Variants in AGBL4 observed in about 807,000 individuals in gnomAD.
The protein encoded by AGBL4 is cytosolic carboxypeptidase 6.
AGBL4 carries 58 observed loss-of-function variants against 66.4 expected under a neutral mutation model. The observed-to-expected ratio is 0.87, with a 90% confidence interval of 0.71 to 1.09. The LOEUF is 1.09. Among genes scored for constraint, AGBL4 ranks in the 50% least tolerant of loss-of-function variants. The pLI is 0.00. For missense variants in AGBL4, 579 were observed against 631.0 expected, an observed-to-expected ratio of 0.92 and a Z score of 0.88; for synonymous variants, 234 against 222.9, an observed-to-expected ratio of 1.05 and a Z score of -0.44.
chr1:48,831,037 G>A (rs1474747099), intron 6 of AGBL4, among the ~76,000 whole-genome samples: 3 of 152,154 alleles, frequency 2.0e-5, no homozygotes, highest in Admixed American at 6.5e-5. Flanking sequence ...GTAAAAGGGA[G>A]CATTTTCGGG....
At chr1:49,423,591 C>T (rs1557927213) in intron 3 of AGBL4, among the ~76,000 whole-genome samples, 1 of 152,024 alleles carries the variant, frequency 6.6e-6, no homozygotes, top group African/African-American at 2.4e-5. Context: ...GGGCAGATCA[C>T]CTGAAGTCAG....
chr1:48,687,727 A>C (rs1236898750), intron 6 of AGBL4, among the ~76,000 whole-genome samples: 1 of 152,190 alleles, frequency 6.6e-6, no homozygotes, highest in East Asian at 1.9e-4. Flanking sequence ...CTGCTGCCTC[A>C]GTGCTCACAG....
intron 2 of AGBL4, among the ~76,000 whole-genome samples, chr1:49,800,381 A>G (rs1440640159): frequency 8.1e-6 from 1 of 123,216 alleles, no homozygotes; most frequent in Non-Finnish European, 1.7e-5. Context: ...TTTTTTTATT[A>G]TACTTTAAGT....
At chr1:49,029,152 C>A (rs908070066) in intron 5 of AGBL4, among the ~76,000 whole-genome samples, 16 of 152,120 alleles carry the variant, frequency 1.1e-4, no homozygotes, top group African/African-American at 3.6e-4. Flanking sequence ...AGATAAGGAA[C>A]AAGGCAAAGA....
At chr1:48,687,086 G>A (rs1444549523) in intron 6 of AGBL4, among the ~76,000 whole-genome samples, 1 of 152,106 alleles carries the variant, frequency 6.6e-6, no homozygotes, top group Non-Finnish European at 1.5e-5. Context: ...GGGCAGTCAG[G>A]TAAAGGACAG....
At chr1:49,081,809 G>A (rs1191380068) in intron 4 of AGBL4, among the ~76,000 whole-genome samples, 1 of 152,172 alleles carries the variant, frequency 6.6e-6, no homozygotes, top group African/African-American at 2.4e-5. Flanking sequence ...TCCCAATTCT[G>A]TTGCACTCTA....
intron 5 of AGBL4, among the ~76,000 whole-genome samples, chr1:48,944,331 T>A (rs1234538552): frequency 2.0e-5 from 3 of 152,132 alleles, no homozygotes; most frequent in Non-Finnish European, 4.4e-5. Flanking sequence ...CATCCATCCA[T>A]CAATCCATCC....
intron 8 of AGBL4, among the ~76,000 whole-genome samples, chr1:48,638,527 G>C (rs1557845385): frequency 6.6e-6 from 1 of 152,176 alleles, no homozygotes; most frequent in African/African-American, 2.4e-5. Flanking sequence ...GCAGTGAAGT[G>C]GTGATAATTG....
chr1:49,470,671 T>A (rs912619431), intron 3 of AGBL4, among the ~76,000 whole-genome samples: 1 of 151,960 alleles, frequency 6.6e-6, no homozygotes, highest in South Asian at 2.1e-4. Context: ...CACCCAAAAG[T>A]TACTACCCCT....
At position 49,530,282 on chromosome 1, in the gene AGBL4, A is replaced by AAAAAAAAAAAAAAAAAAT. The variant is rs1558025489; in HGVS notation, c.282+167030_282+167031insATTTTTTTTTTTTTTTTT. On this transcript the variant is annotated intron_variant, in intron 3 of 13. Transcript: ENST00000371839. Reference sequence around the variant, plus strand: ...TGTAAAAAAAAAAAAACAAAAAAAAACTCTATGAGTTTTTTTTTATTATTA... The same window carrying AAAAAAAAAAAAAAAAAAT: ...TGTAAAAAAAAAAAAACAAAAAAAAAAAAAAAAAAAAAAAAAATCTCTATGAGTTTTTTTTTATTATTA... 6.9e-5 allele frequency among the ~76,000 whole-genome samples: 10 copies of AAAAAAAAAAAAAAAAAAT among 145,416 alleles called. 1 individual carries two copies. Among genetic ancestry groups the AAAAAAAAAAAAAAAAAAT allele is most frequent in the African/African-American group, 1.3e-4 (5 of 39,444 alleles).
At chr1:49,048,168 G>A (rs1265313952) in intron 4 of AGBL4, 1 of 152,140 alleles carries the variant, frequency 6.6e-6, no homozygotes, top group African/African-American at 2.4e-5. Context: ...AGCCCTGGAT[G>A]AGTATGTCTT....
At chr1:48,906,527 TA>T (rs891561004) in intron 5 of AGBL4, among the ~76,000 whole-genome samples, 8 of 151,952 alleles carry the variant, frequency 5.3e-5, no homozygotes, top group African/African-American at 1.9e-4. Context: ...GGAAAGGGAT[TA>T]GGGGTGAGGG....
intron 5 of AGBL4, among the ~76,000 whole-genome samples, chr1:48,970,466 T>C (rs1255327789): frequency 1.3e-5 from 2 of 152,184 alleles, no homozygotes; most frequent in Admixed American, 6.5e-5. Context: ...TTTCTGAAAG[T>C]GAATTTCAAG....
intron 1 of AGBL4, among the ~76,000 whole-genome samples, chr1:49,968,393 GT>G (rs1284554540): frequency 2.6e-5 from 4 of 152,066 alleles, no homozygotes; most frequent in Non-Finnish European, 4.4e-5. Flanking sequence ...GCAGTGACAT[GT>G]TTTCAAATAT....
At chr1:49,079,989 C>T (rs1644780284) in intron 4 of AGBL4, among the ~76,000 whole-genome samples, 1 of 152,178 alleles carries the variant, frequency 6.6e-6, no homozygotes, top group Non-Finnish European at 1.5e-5. Context: ...ATTTTCTGAG[C>T]ATCTATTGTA....
intron 4 of AGBL4, among the ~76,000 whole-genome samples, chr1:49,211,744 G>C (rs1648685884): frequency 6.6e-6 from 1 of 152,100 alleles, no homozygotes. Flanking sequence ...TATTATAATA[G>C]AGGTATATAA....
intron 11 of AGBL4, among the ~76,000 whole-genome samples, chr1:48,575,988 A>C (rs2148324425): frequency 6.6e-6 from 1 of 152,234 alleles, no homozygotes; most frequent in East Asian, 1.9e-4. Context: ...GAATGGAGCT[A>C]TCTCCCACTG....
chr1:49,553,989 C>A (rs1489209212), intron 3 of AGBL4, among the ~76,000 whole-genome samples: 1 of 152,012 alleles, frequency 6.6e-6, no homozygotes, highest in Admixed American at 6.5e-5. Flanking sequence ...AATTTTAAAA[C>A]CTTAGCTGGC....
chr1:49,892,664 C>T (rs1375432378), intron 1 of AGBL4, among the ~76,000 whole-genome samples: 2 of 152,150 alleles, frequency 1.3e-5, no homozygotes, highest in Non-Finnish European at 2.9e-5. Context: ...CTTAATGGTA[C>T]ACTCTGCTTC....
Sources: gnomAD v4.1 joint callset for allele counts (sites outside exome capture counted in the v4.1 genomes callset) on GRCh38, gnomAD v4.1.1 for gene constraint, MANE v1.5 for transcripts, NCBI Gene and HGNC (gene_info 2026-07-23, HGNC 2026-07-21) for gene names.